The following MACROD2 variants were observed in gnomAD, a reference collection of about 807,000 sequenced individuals.
MACROD2 encodes the protein ADP-ribose glycohydrolase MACROD2.
A neutral mutation model predicts 70.4 loss-of-function variants in MACROD2; 36 were observed. The ratio of observed to expected loss-of-function variants is 0.51; its 90% CI spans 0.39 to 0.68. MACROD2 has a LOEUF of 0.68. Among genes scored for constraint, MACROD2 ranks in the 30% least tolerant of loss-of-function variants. The pLI, the probability that MACROD2 is intolerant of heterozygous loss-of-function variation, is 0.00. For missense variants in MACROD2, 496 were observed against 538.4 expected (o/e 0.92, Z 0.78); for synonymous variants, 172 against 178.8 (o/e 0.96, Z 0.30).
At chr20:15,449,002 A>C (rs1258732876) in intron 7 of MACROD2, among the ~76,000 whole-genome samples, 1 of 152,134 alleles carries the variant, frequency 6.6e-6, no homozygotes, top group Non-Finnish European at 1.5e-5. Flanking sequence ...ATGATCACTG[A>C]GATCATTTAT....
chr20:14,256,451 A>ATTTATAAAT (rs2082057104), intron 3 of MACROD2, among the ~76,000 whole-genome samples: 1 of 152,078 alleles, frequency 6.6e-6, no homozygotes, highest in East Asian at 1.9e-4. Flanking sequence ...TTTATATTAG[A>ATTTATAAAT]CATTTTTTTG....
At chr20:14,817,007 A>G (rs1309950949) in intron 5 of MACROD2, among the ~76,000 whole-genome samples, 1 of 152,156 alleles carries the variant, frequency 6.6e-6, no homozygotes, top group Non-Finnish European at 1.5e-5. Flanking sequence ...ATAAGAACAC[A>G]TCTAAATGAA....
chr20:15,074,442 C>T (rs543688264), intron 5 of MACROD2, among the ~76,000 whole-genome samples: 1 of 152,330 alleles, frequency 6.6e-6, no homozygotes, highest in Admixed American at 6.5e-5. Flanking sequence ...TCCTCCCATA[C>T]TTATTCATTC....
chr20:14,317,340 G>C (rs150130548), intron 3 of MACROD2, among the ~76,000 whole-genome samples: 22 of 151,934 alleles, frequency 1.4e-4, no homozygotes, highest in African/African-American at 5.1e-4. Context: ...GGATTCCTGG[G>C]TGGGCACGGT....
intron 5 of MACROD2, among the ~76,000 whole-genome samples, chr20:14,753,178 A>G (rs1239268620): frequency 6.6e-6 from 1 of 152,026 alleles, no homozygotes; most frequent in Non-Finnish European, 1.5e-5. Context: ...AGGTTCTTCC[A>G]GTTTTCTCAA....
intron 3 of MACROD2, among the ~76,000 whole-genome samples, chr20:14,261,735 TG>T (rs398121196): frequency 4.6e-5 from 3 of 65,594 alleles, no homozygotes; most frequent in Non-Finnish European, 1.1e-4. Context: ...TGTCAGATAC[TG>T]ACAGTACAAA....
chr20:15,035,879 C>T (rs1372799961), intron 5 of MACROD2, among the ~76,000 whole-genome samples: 1 of 152,112 alleles, frequency 6.6e-6, no homozygotes. Flanking sequence ...AGCCCTGCTC[C>T]CCCTTTTTTT....
At chr20:14,725,198 T>A (rs2071514552) in intron 5 of MACROD2, among the ~76,000 whole-genome samples, 1 of 152,182 alleles carries the variant, frequency 6.6e-6, no homozygotes, top group East Asian at 1.9e-4. Flanking sequence ...TTGGAAGTGA[T>A]AACAAGAGTT....
chr20:15,616,943 G>A (rs1172870800), intron 8 of MACROD2, among the ~76,000 whole-genome samples: 1 of 152,104 alleles, frequency 6.6e-6, no homozygotes, highest in Non-Finnish European at 1.5e-5. Flanking sequence ...TTTTCCTTCT[G>A]TTCAGGCTGG....
chr20:14,223,601 G>A (rs952428990), intron 3 of MACROD2, among the ~76,000 whole-genome samples: 8 of 151,018 alleles, frequency 5.3e-5, no homozygotes, highest in Non-Finnish European at 7.4e-5. Context: ...TCTGCCTCCC[G>A]GGTTCAAATG....
chr20:15,399,605 C>T (rs2045903224), intron 6 of MACROD2, among the ~76,000 whole-genome samples: 2 of 152,192 alleles, frequency 1.3e-5, no homozygotes, highest in Non-Finnish European at 2.9e-5. Context: ...TTTAGCGTAG[C>T]TAGATTTGAG....
intron 3 of MACROD2, among the ~76,000 whole-genome samples, chr20:14,108,434 A>G (rs1377458440): frequency 6.6e-6 from 1 of 151,708 alleles, no homozygotes; most frequent in African/African-American, 2.4e-5. Context: ...ATGTAAATGG[A>G]CTTAAGTCTC....
intron 5 of MACROD2, among the ~76,000 whole-genome samples, chr20:15,011,729 C>A (rs1254873936): frequency 6.6e-6 from 1 of 152,142 alleles, no homozygotes; most frequent in African/African-American, 2.4e-5. Flanking sequence ...GTCCTTGCTG[C>A]AGGATGAGGC....
At chr20:15,170,290 T>C (rs183163505) in intron 5 of MACROD2, among the ~76,000 whole-genome samples, 99 of 152,198 alleles carry the variant, frequency 6.5e-4, no homozygotes, top group Non-Finnish European at 1.2e-3. Flanking sequence ...AGGGACTTAC[T>C]AGTGACCTAA....
intron 3 of MACROD2, among the ~76,000 whole-genome samples, chr20:14,170,135 A>C (rs990137366): frequency 6.6e-6 from 1 of 151,988 alleles, no homozygotes; most frequent in Admixed American, 6.6e-5. Context: ...CTCATGATCC[A>C]CCTACCTTGG....
At chr20:16,021,385 C>T (rs2066999200) in intron 15 of MACROD2, among the ~76,000 whole-genome samples, 1 of 152,120 alleles carries the variant, frequency 6.6e-6, no homozygotes, top group Admixed American at 6.5e-5. Flanking sequence ...GCACAGGGCT[C>T]ACTGAGGAAT....
At chr20:15,004,059 C>T (rs1467827542) in intron 5 of MACROD2, among the ~76,000 whole-genome samples, 5 of 152,044 alleles carry the variant, frequency 3.3e-5, no homozygotes, top group Non-Finnish European at 7.4e-5. Context: ...CATTACCTGG[C>T]CAACACCACC....
intron 13 of MACROD2, among the ~76,000 whole-genome samples, chr20:15,985,492 A>T (rs2066466862): frequency 6.6e-6 from 1 of 152,190 alleles, no homozygotes; most frequent in Non-Finnish European, 1.5e-5. Flanking sequence ...AGTTCCAAAG[A>T]CTAGTCTTAC....
intron 5 of MACROD2, among the ~76,000 whole-genome samples, chr20:15,147,301 A>G (rs922812217): frequency 6.6e-6 from 1 of 152,206 alleles, no homozygotes; most frequent in Non-Finnish European, 1.5e-5. Flanking sequence ...TCTCTCATCT[A>G]TAGACTGGAT....
Sources: gnomAD v4.1 joint callset for allele counts (sites outside exome capture counted in the v4.1 genomes callset) on GRCh38, gnomAD v4.1.1 for gene constraint, MANE v1.5 for transcripts, NCBI Gene and HGNC (gene_info 2026-07-23, HGNC 2026-07-21) for gene names.